Variants in CCR3 observed in about 807,000 individuals in gnomAD.
The protein encoded by CCR3 is C-C chemokine receptor type 3.
For missense variants in CCR3, 419 were observed against 437.5 expected, an observed-to-expected ratio of 0.96 and a Z score of 0.38; for synonymous variants, 203 against 179.2, an observed-to-expected ratio of 1.13 and a Z score of -1.06.
Position 46,266,281 on chromosome 3 carries a change from A to G in CCR3, c.*55A>G. ...AGGACCAAGGAGATGAAGCAAACACATTAAGCCTTCCACACTCACCTCTAA... is the reference window on the plus strand; with the variant it reads ...AGGACCAAGGAGATGAAGCAAACACGTTAAGCCTTCCACACTCACCTCTAA... On this transcript the variant is annotated 3_prime_UTR_variant, in exon 2 of 2. Transcript: ENST00000395940. 1 of 1,145,726 alleles carries G rather than the reference A, an allele frequency of 8.7e-7. No individual in the cohort carries two copies. Among genetic ancestry groups the G allele is most frequent in the Admixed American group, 2.1e-5 (1 of 48,712 alleles). 71.0% of individuals were successfully genotyped at this position (1,145,726 alleles called of 1,614,324 possible).
At chr3:46,240,491 C>T (rs192293480), upstream of CCR3, among the ~76,000 whole-genome samples, 100 of 152,258 alleles carry the variant, frequency 6.6e-4, 2 homozygotes, top group Admixed American at 1.2e-3. Context: ...GTTCATCCCT[C>T]GGGCCCTTTC....
intron 2 of CCR3, among the ~76,000 whole-genome samples, chr3:46,229,495 T>G (rs1699938508): frequency 6.6e-6 from 1 of 152,156 alleles, no homozygotes; most frequent in Non-Finnish European, 1.5e-5. Context: ...CCTTAAATAT[T>G]CAGGCTGTGG....
At chr3:46,257,630 G>T (rs1392593971) in intron 1 of CCR3, among the ~76,000 whole-genome samples, 1 of 152,048 alleles carries the variant, frequency 6.6e-6, no homozygotes, top group Non-Finnish European at 1.5e-5. Context: ...TATCATTCCA[G>T]TAAGAAGGAT....
intron 1 of CCR3, among the ~76,000 whole-genome samples, chr3:46,250,848 G>A (rs34272024): frequency 0.091 from 13,742 of 151,312 alleles, 758 homozygotes; most frequent in South Asian, 0.18. Context: ...AAGGGGGGTT[G>A]GGGCATGGAA....
At chr3:46,212,997 A>T (rs1331782024) in intron 2 of CCR3, among the ~76,000 whole-genome samples, 2 of 152,262 alleles carry the variant, frequency 1.3e-5, no homozygotes, top group East Asian at 3.8e-4. Flanking sequence ...AATGGACTCA[A>T]AATAGCTCAA....
intron 1 of CCR3, among the ~76,000 whole-genome samples, chr3:46,243,520 T>G (rs1013179184): frequency 6.6e-6 from 1 of 152,020 alleles, no homozygotes; most frequent in African/African-American, 2.4e-5. Context: ...AGATTGTCTG[T>G]GTTAGAGGGT....
At chr3:46,228,353 T>A (rs1012992825) in intron 2 of CCR3, among the ~76,000 whole-genome samples, 2 of 152,220 alleles carry the variant, frequency 1.3e-5, no homozygotes, top group African/African-American at 2.4e-5. Context: ...ATAAGAATTT[T>A]ATCTGAGTCA....
chr3:46,225,424 G>A (rs375518460), intron 2 of CCR3, among the ~76,000 whole-genome samples: 5 of 152,154 alleles, frequency 3.3e-5, no homozygotes, highest in African/African-American at 1.2e-4. Context: ...CCAGCTACTC[G>A]GGATTACCCA....
At chr3:46,264,311 A>T (rs1159489610) in intron 1 of CCR3, 1 of 932,944 alleles carries the variant, frequency 1.1e-6, no homozygotes, top group Non-Finnish European at 1.7e-6. Context: ...AATGCTGCTT[A>T]TAATTGTAAT....
chr3:46,244,029 T>C (rs1700145924), intron 1 of CCR3, among the ~76,000 whole-genome samples: 1 of 152,204 alleles, frequency 6.6e-6, no homozygotes, highest in Non-Finnish European at 1.5e-5. Flanking sequence ...GCCAAGAGTA[T>C]ATATATTGTT....
chr3:46,214,951 A>G (rs1284724833), intron 2 of CCR3, among the ~76,000 whole-genome samples: 1 of 152,114 alleles, frequency 6.6e-6, no homozygotes, highest in African/African-American at 2.4e-5. Flanking sequence ...GCTGGCAGAG[A>G]GCCTGAGAGC....
intron 2 of CCR3, among the ~76,000 whole-genome samples, chr3:46,220,109 A>G (rs1327493396): frequency 1.3e-5 from 2 of 152,236 alleles, no homozygotes; most frequent in African/African-American, 4.8e-5. Flanking sequence ...AATGGTGAAT[A>G]TCCAGAATTT....
intron 2 of CCR3, among the ~76,000 whole-genome samples, chr3:46,223,348 A>G (rs1699858728): frequency 6.6e-6 from 1 of 152,252 alleles, no homozygotes; most frequent in Non-Finnish European, 1.5e-5. Flanking sequence ...TTGAAAACAA[A>G]CAAACAAACA....
intron 2 of CCR3, among the ~76,000 whole-genome samples, chr3:46,214,765 A>G (rs1354041351): frequency 6.6e-6 from 1 of 152,098 alleles, no homozygotes; most frequent in Non-Finnish European, 1.5e-5. Context: ...GCTGCAGGGC[A>G]GTGTGGATGA....
intron 1 of CCR3, 51 bp from the exon 2 acceptor site, chr3:46,265,097 A>C: frequency 8.2e-7 from 1 of 1,217,908 alleles, no homozygotes; most frequent in Non-Finnish European, 1.2e-6. Flanking sequence ...GTGTTTTACG[A>C]AGGATGATTA....
At chr3:46,212,108 C>T (rs34047458) in intron 2 of CCR3, among the ~76,000 whole-genome samples, 3 of 152,086 alleles carry the variant, frequency 2.0e-5, no homozygotes, top group South Asian at 2.1e-4. Flanking sequence ...GTTCTCCTTT[C>T]GTGATACAAC....
intron 2 of CCR3, among the ~76,000 whole-genome samples, chr3:46,229,914 C>G (rs751438105): frequency 6.6e-6 from 1 of 152,084 alleles, no homozygotes; most frequent in Admixed American, 6.5e-5. Flanking sequence ...CAAGTAAGAG[C>G]GTGGTCCCAG....
chr3:46,248,518 G>A (rs1700243119), intron 1 of CCR3, among the ~76,000 whole-genome samples: 1 of 152,180 alleles, frequency 6.6e-6, no homozygotes, highest in Admixed American at 6.5e-5. Flanking sequence ...AGGAAGGAAA[G>A]GAGTTGTTGT....
intron 1 of CCR3, among the ~76,000 whole-genome samples, chr3:46,242,982 C>CACATATAT (rs146505046): frequency 1.7e-4 from 17 of 99,318 alleles, no homozygotes; most frequent in African/African-American, 6.9e-4. Flanking sequence ...TATATATACA[C>CACATATAT]ATATATATAT....
Sources: gnomAD v4.1 joint callset for allele counts (sites outside exome capture counted in the v4.1 genomes callset) on GRCh38, gnomAD v4.1.1 for gene constraint, MANE v1.5 for transcripts, NCBI Gene and HGNC (gene_info 2026-07-23, HGNC 2026-07-21) for gene names.